The following CYTH1 variants were observed in gnomAD, a reference collection of about 807,000 sequenced individuals.
CYTH1 encodes cytohesin-1.
In CYTH1, 18 loss-of-function variants were observed where a neutral mutation model predicts 61.8. The ratio of observed to expected loss-of-function variants is 0.29; its 90% CI spans 0.20 to 0.43. The LOEUF (loss-of-function observed/expected upper bound fraction) is 0.43, where lower values mean the gene tolerates loss of function less well. CYTH1 is among the 20% of genes least tolerant of loss of function. CYTH1 has a pLI of 1.00. For missense variants in CYTH1, 336 were observed against 510.5 expected (o/e 0.66, Z 3.29); for synonymous variants, 174 against 184.3 (o/e 0.94, Z 0.45).
At chr17:78,681,794 C>T (rs1197118728) in intron 11 of CYTH1, among the ~76,000 whole-genome samples, 3 of 150,876 alleles carry the variant, frequency 2.0e-5, no homozygotes, top group African/African-American at 4.9e-5. Context: ...GCCCAGATAG[C>T]GCCACTGCAC....
At chr17:78,731,295 G>A (rs1432502749) in intron 1 of CYTH1, among the ~76,000 whole-genome samples, 1 of 152,062 alleles carries the variant, frequency 6.6e-6, no homozygotes, top group African/African-American at 2.4e-5. Flanking sequence ...AACTTCTAAG[G>A]CACCTCATGG....
chr17:78,778,683 C>T (rs979808401), intron 1 of CYTH1, among the ~76,000 whole-genome samples: 16 of 150,664 alleles, frequency 1.1e-4, no homozygotes, highest in Non-Finnish European at 2.4e-4. Flanking sequence ...TTTAATTAGG[C>T]CTGGCACAGT....
chr17:78,701,805 T>C, intron 5 of CYTH1, 54 bp from the exon 6 acceptor site: 4 of 1,569,580 alleles, frequency 2.5e-6, no homozygotes, highest in Non-Finnish European at 3.5e-6. Flanking sequence ...GCACCAACAC[T>C]GAGAATCTCC....
intron 1 of CYTH1, among the ~76,000 whole-genome samples, chr17:78,732,250 C>T (rs1022743060): frequency 7.2e-5 from 11 of 152,204 alleles, no homozygotes; most frequent in African/African-American, 2.7e-4. Context: ...CCACCTGTTG[C>T]CTTCCACATC....
chr17:78,767,364 G>A (rs1292968156), intron 1 of CYTH1, among the ~76,000 whole-genome samples: 1 of 152,108 alleles, frequency 6.6e-6, no homozygotes, highest in Non-Finnish European at 1.5e-5. Flanking sequence ...AAAGCTGAAA[G>A]TCCCCAGGCT....
intron 10 of CYTH1, 70 bp downstream of exon 10, chr17:78,695,937 C>T (rs372950332): frequency 1.6e-5 from 22 of 1,360,066 alleles, no homozygotes; most frequent in Non-Finnish European, 1.8e-5. Context: ...CCAAAAATAA[C>T]GAAATCAGAA....
chr17:78,677,071 G>A (rs1014354356), intron 13 of CYTH1: 118 of 456,048 alleles, frequency 2.6e-4, no homozygotes, highest in African/African-American at 2.2e-3. Context: ...GAGACAGTGT[G>A]TCCATGAGAA....
chr17:78,753,766 A>G (rs2093389887), intron 1 of CYTH1, among the ~76,000 whole-genome samples: 1 of 152,198 alleles, frequency 6.6e-6, no homozygotes, highest in Admixed American at 6.5e-5. Context: ...CCTGCCATCT[A>G]TCTCATCTGG....
At chr17:78,748,292 A>G (rs1004171534) in intron 1 of CYTH1, among the ~76,000 whole-genome samples, 1 of 152,234 alleles carries the variant, frequency 6.6e-6, no homozygotes, top group African/African-American at 2.4e-5. Context: ...TGGATCACTG[A>G]GTAGTCATGC....
intron 1 of CYTH1, among the ~76,000 whole-genome samples, chr17:78,743,181 T>C (rs182575279): frequency 8.4e-4 from 128 of 152,290 alleles, no homozygotes; most frequent in Admixed American, 2.2e-3. Flanking sequence ...GCATAGACTA[T>C]AAAAATGAAA....
chr17:78,759,797 C>G (rs2093414986), intron 1 of CYTH1, among the ~76,000 whole-genome samples: 1 of 152,192 alleles, frequency 6.6e-6, no homozygotes, highest in African/African-American at 2.4e-5. Context: ...ATACACTCAA[C>G]ACGGGAAATG....
chr17:78,720,812 G>C (rs1255557168), intron 1 of CYTH1, among the ~76,000 whole-genome samples: 1 of 152,172 alleles, frequency 6.6e-6, no homozygotes, highest in African/African-American at 2.4e-5. Context: ...GAATGTGGAG[G>C]TTGCAGTGAG....
At chr17:78,771,874 T>C (rs1354267068) in intron 1 of CYTH1, among the ~76,000 whole-genome samples, 1 of 151,942 alleles carries the variant, frequency 6.6e-6, no homozygotes, top group Non-Finnish European at 1.5e-5. Context: ...AGCAGAAATA[T>C]ACAATGTCAC....
At chr17:78,780,571 C>G (rs1455380177) in intron 1 of CYTH1, among the ~76,000 whole-genome samples, 6 of 152,124 alleles carry the variant, frequency 3.9e-5, no homozygotes, top group Admixed American at 2.0e-4. Context: ...TACTTGTTTA[C>G]TTATAAGGTA....
At chr17:78,730,395 C>T (rs1295471201) in intron 1 of CYTH1, among the ~76,000 whole-genome samples, 11 of 146,848 alleles carry the variant, frequency 7.5e-5, no homozygotes, top group Admixed American at 1.3e-4. Flanking sequence ...AAAAATTAGC[C>T]GGGCATGGTG....
intron 1 of CYTH1, among the ~76,000 whole-genome samples, chr17:78,740,535 A>T (rs766515540): frequency 6.6e-5 from 10 of 152,228 alleles, no homozygotes; most frequent in Non-Finnish European, 1.3e-4. Context: ...TTAAAGCTGG[A>T]AGCATGGCAA....
At chr17:78,753,055 T>G (rs186059367) in intron 1 of CYTH1, among the ~76,000 whole-genome samples, 1 of 152,036 alleles carries the variant, frequency 6.6e-6, no homozygotes, top group Non-Finnish European at 1.5e-5. Context: ...TTAAGGCACA[T>G]GTATGAGTGA....
rs575437528 is a variant in CYTH1, at chr17:78,780,587, T to C, written c.22+1615A>G. On this transcript the variant is annotated intron_variant, in intron 1 of 13. Coordinates refer to ENST00000446868, the MANE Select transcript of CYTH1 (RefSeq NM_004762.6). Reference sequence around the variant, plus strand: ...ACTTGTTTACTTATAAGGTAACAAGTGGGCTGGGTGTGGTGGCTCAGGCCT... The same window carrying C: ...ACTTGTTTACTTATAAGGTAACAAGCGGGCTGGGTGTGGTGGCTCAGGCCT... Among the ~76,000 whole-genome samples, 19 of 151,966 alleles carry C rather than the reference T, an allele frequency of 1.3e-4. No individual in the cohort carries two copies. The East Asian group carries it at 3.1e-3, about 25-fold the overall frequency.
rs145747138 is a variant in CYTH1 at position 78,676,661 on chromosome 17, T to A, written c.1119-492A>T. The A allele has an allele frequency of 1.2e-3, 360 of 297,536 alleles. 1 individual carries two copies. Among genetic ancestry groups the A allele is most frequent in the African/African-American group, 5.8e-3 (263 of 45,180 alleles). The allele number at this position is 297,536 out of a possible 1,614,324, so 18.4% of individuals were successfully genotyped here. ...CACCTGCTCAGTAACTAAGGCTCCA[T>A]GACTCTGCAGGCGGCACTGCCCAGC... On this transcript the variant is annotated intron_variant, in intron 13 of 13. Transcript: ENST00000446868.
Sources: allele counts gnomAD v4.1 joint callset (sites outside exome capture counted in the v4.1 genomes callset), GRCh38; gene constraint gnomAD v4.1.1; transcripts MANE v1.5; gene names NCBI Gene and HGNC (gene_info 2026-07-23, HGNC 2026-07-21).